The following TENM1 variants were observed in gnomAD, a reference collection of about 807,000 sequenced individuals.
The protein encoded by TENM1 is teneurin-1.
In TENM1, 35 loss-of-function variants were observed where a neutral mutation model predicts 174.8. The ratio of observed to expected loss-of-function variants is 0.20; its 90% CI spans 0.15 to 0.27. TENM1 has a LOEUF of 0.27. TENM1 is among the 10% of genes least tolerant of loss of function. The pLI, the probability that TENM1 is intolerant of heterozygous loss-of-function variation, is 1.00. For missense variants in TENM1, 1,633 were observed against 2,130.1 expected, an observed-to-expected ratio of 0.77 and a Z score of 4.59; for synonymous variants, 781 against 798.7, an observed-to-expected ratio of 0.98 and a Z score of 0.37.
chrX:124,491,789 G>T (rs956887861), intron 20 of TENM1, among the ~76,000 whole-genome samples: 10 of 111,615 alleles, frequency 9.0e-5, no homozygotes, highest in Non-Finnish European at 1.7e-4. Flanking sequence ...GATCAATAGG[G>T]CTGAGGCAGA....
At chrX:124,957,355 G>A (rs1268273958) in intron 1 of TENM1, among the ~76,000 whole-genome samples, 8 of 110,561 alleles carry the variant, frequency 7.2e-5, no homozygotes, top group African/African-American at 2.0e-4. Flanking sequence ...AGCCTGAGTC[G>A]GGCAGATCAC....
intron 3 of TENM1, among the ~76,000 whole-genome samples, chrX:124,777,583 T>G (rs1213139781): frequency 1.8e-5 from 2 of 112,142 alleles, no homozygotes; most frequent in Non-Finnish European, 3.8e-5. Flanking sequence ...TCATTTTTCA[T>G]TCTCTGAATT....
chrX:124,810,385 T>C (rs2055734882), intron 3 of TENM1, among the ~76,000 whole-genome samples: 1 of 111,396 alleles, frequency 9.0e-6, no homozygotes, highest in African/African-American at 3.3e-5. Context: ...AAAATCAACA[T>C]ACACAAATCA....
intron 18 of TENM1, among the ~76,000 whole-genome samples, chrX:124,512,276 T>C (rs964337077): frequency 3.6e-5 from 4 of 109,937 alleles, no homozygotes; most frequent in Admixed American, 2.9e-4. Context: ...AACTTAACAG[T>C]AATGATTTTT....
At chrX:124,461,349 C>G (rs1168555860) in intron 22 of TENM1, among the ~76,000 whole-genome samples, 1 of 111,716 alleles carries the variant, frequency 9.0e-6, no homozygotes, top group Non-Finnish European at 1.9e-5. Context: ...CCTCAAAAAA[C>G]TAAAAATAGA....
intron 3 of TENM1, among the ~76,000 whole-genome samples, chrX:124,766,472 T>C (rs747101158): frequency 1.9e-4 from 21 of 111,629 alleles, no homozygotes; most frequent in Non-Finnish European, 3.0e-4. Flanking sequence ...ATTTTAACTG[T>C]GGGAAACGGT....
chrX:125,097,970 TAAGA>T, the TENM1 span, among the ~76,000 whole-genome samples: 2 of 110,486 alleles, frequency 1.8e-5, no homozygotes, highest in Non-Finnish European at 3.8e-5. Flanking sequence ...ATTTTAAACT[TAAGA>T]AAGTGTCGGC....
the TENM1 span, among the ~76,000 whole-genome samples, chrX:124,984,665 A>T: frequency 8.9e-6 from 1 of 111,779 alleles, no homozygotes; most frequent in Non-Finnish European, 1.9e-5. Flanking sequence ...TGGATTTAAC[A>T]TTAAGTGAAG....
intron 11 of TENM1, among the ~76,000 whole-genome samples, chrX:124,629,636 A>C (rs1321841872): frequency 8.9e-6 from 1 of 112,176 alleles, no homozygotes; most frequent in Non-Finnish European, 1.9e-5. Flanking sequence ...TTATTTCCCT[A>C]TTTTACAGGA....
chrX:124,972,463 A>G, the TENM1 span, among the ~76,000 whole-genome samples: 7 of 111,868 alleles, frequency 6.3e-5, no homozygotes, highest in Middle Eastern at 4.6e-3. Flanking sequence ...TCCAAAAACA[A>G]TTTGTTAGTC....
Position 124,646,403 on chromosome X carries a change from T to G in TENM1, c.1681+306A>C, listed in dbSNP as rs184066913. ...AGACAACCTATCTACAAATCCCAGC[T>G]GTTAGGTAACCCTGGTTAAGTCACT... On this transcript the variant is annotated intron_variant, in intron 9 of 31. Coordinates refer to ENST00000422452, the Ensembl canonical transcript of TENM1. 8.0e-5 allele frequency among the ~76,000 whole-genome samples: 9 copies of G among 112,717 alleles called. 1 individual carries two copies. Among genetic ancestry groups the G allele is most frequent in the Non-Finnish European group, 1.9e-5 (1 of 53,345 alleles).
At chrX:124,952,833 A>T (rs1056607087) in intron 1 of TENM1, among the ~76,000 whole-genome samples, 1 of 111,723 alleles carries the variant, frequency 9.0e-6, no homozygotes, top group African/African-American at 3.3e-5. Context: ...TGGTGTAACA[A>T]AACTAAATAC....
intron 22 of TENM1, among the ~76,000 whole-genome samples, chrX:124,466,672 A>C: frequency 8.9e-6 from 1 of 111,742 alleles, no homozygotes; most frequent in Non-Finnish European, 1.9e-5. Flanking sequence ...GGTTTCTCAA[A>C]ATTTCAAGTA....
rs1018943635 is a variant in TENM1, at chrX:124,650,349, CAA to C, written c.1579+1563_1579+1564del. 2.8e-4 allele frequency among the ~76,000 whole-genome samples: 31 copies of C among 109,088 alleles called. No individual in the cohort carries two copies. The Admixed American group carries it at 3.0e-3, about 10-fold the overall frequency. The allele number at this position is 109,088 out of a possible 115,157, so 94.7% of individuals were successfully genotyped here. A position where few individuals can be genotyped will look rare whatever the true frequency, so the allele number is the denominator to read the frequency against. On this transcript the variant is annotated intron_variant, in intron 8 of 31. Transcript: ENST00000422452. ...TCTGTTGCTTCTAATTTTAAAAAGA[CAA>C]GAGAAAAGTAAAGAGACTGACTTGC...
intron 12 of TENM1, 64 bp from the exon 16 acceptor site, chrX:124,563,836 A>T (rs751436666): frequency 1.4e-5 from 14 of 1,011,246 alleles, no homozygotes; most frequent in Non-Finnish European, 1.9e-5. Flanking sequence ...TACAATATGT[A>T]CTAATGGTTT....
the TENM1 span, among the ~76,000 whole-genome samples, chrX:125,191,871 G>A: frequency 9.0e-6 from 1 of 111,528 alleles, no homozygotes; most frequent in Non-Finnish European, 1.9e-5. Context: ...GGGAAGTGAT[G>A]AAGACATGAA....
the TENM1 span, among the ~76,000 whole-genome samples, chrX:125,078,568 A>T: frequency 9.0e-6 from 1 of 111,483 alleles, no homozygotes; most frequent in African/African-American, 3.3e-5. Flanking sequence ...CATTTATTTC[A>T]CCTCATTACC....
intron 23 of TENM1, among the ~76,000 whole-genome samples, chrX:124,432,368 C>T (rs1247023774): frequency 9.1e-6 from 1 of 109,798 alleles, no homozygotes; most frequent in East Asian, 2.9e-4. Context: ...TATATTCACT[C>T]TTTCCTCCTG....
rs901158124 is a variant in TENM1, at chrX:124,384,823, G to T, written c.6108C>A (p.Phe2036Leu). ...GTGCATTCACAAGGCCTTCTTCACT[G>T]AATCTGAAAATCTGGCGTCCAATAA... Residue 2036 changes from phenylalanine (F) to leucine (L), a missense_variant, in exon 30 of 32, where the codon TTC becomes TTA. Around this residue, in one of 4 missense-constraint regions of TENM1, gnomAD observed 807 missense variants for 1,125.3 expected, o/e 0.72. Transcript: ENST00000422452. 3 of 1,205,285 alleles carry T rather than the reference G, an allele frequency of 2.5e-6. No homozygotes were observed. The highest frequency in any genetic ancestry group is 3.4e-6 in the Non-Finnish European group (3 of 890,946).
Sources: allele counts gnomAD v4.1 joint callset (sites outside exome capture counted in the v4.1 genomes callset), GRCh38; gene constraint gnomAD v4.1.1; regional missense constraint gnomAD v4.1.1; transcripts MANE v1.5; gene names NCBI Gene and HGNC (gene_info 2026-07-23, HGNC 2026-07-21).